Variants in ARHGAP11A observed in about 807,000 individuals in gnomAD.
ARHGAP11A encodes the protein rho GTPase-activating protein 11A.
Under a neutral mutation model 60.5 loss-of-function variants are expected in ARHGAP11A, and 36 were observed. That is an observed-to-expected ratio of 0.59 (90% CI 0.46 to 0.79). ARHGAP11A has a LOEUF of 0.79. Among genes scored for constraint, ARHGAP11A ranks in the 30% least tolerant of loss-of-function variants. ARHGAP11A has a pLI of 0.00. For synonymous variants in ARHGAP11A, 362 were observed against 415.5 expected, an observed-to-expected ratio of 0.87 and a Z score of 1.57; for missense variants, 1,071 against 1,199.2, an observed-to-expected ratio of 0.89 and a Z score of 1.58.
At chr15:32,620,040 C>G (rs1321550025) in intron 1 of ARHGAP11A, 68 bp from the exon 2 acceptor site, 3 of 1,543,100 alleles carry the variant, frequency 1.9e-6, no homozygotes, top group Non-Finnish European at 2.6e-6. Context: ...CTTTAATTTG[C>G]CTAAAGTTTA....
At position 32,635,791 on chromosome 15, in the gene ARHGAP11A, T is replaced by A. The variant is rs754756913; in HGVS notation, c.1359T>A (p.Gly453=). 1.2e-6 allele frequency: 2 copies of A among 1,606,066 alleles called. No individual in the cohort carries two copies. Among genetic ancestry groups the A allele is most frequent in the South Asian group, 2.2e-5 (2 of 89,362 alleles). The change falls in exon 11 of 12, where the codon GGT becomes GGA. Residue 453 remains glycine (G), a synonymous_variant. Transcript: ENST00000361627. ...TTTCTGTACAGAATGGATGTTCTGG[T>A]GTCAATAGATATGAAAGTGTTGGTT... The part of the protein sequence containing the change: ...KNGREVNGCS[G]VNRYESVGWR...
chr15:32,622,254 C>CA (rs1166936584), intron 2 of ARHGAP11A, among the ~76,000 whole-genome samples: 1 of 152,294 alleles, frequency 6.6e-6, no homozygotes, highest in East Asian at 1.9e-4. Flanking sequence ...CTTGTCTCTA[C>CA]AAAAAATAGA....
At chr15:32,621,180 ATTCTTTTT>A (rs1225261265) in intron 2 of ARHGAP11A, among the ~76,000 whole-genome samples, 4 of 95,052 alleles carry the variant, frequency 4.2e-5, no homozygotes, top group Non-Finnish European at 8.3e-5. Flanking sequence ...ATAACCTTTT[ATTCTTTTT>A]TTTTTTTTTT....
rs149121043 is a variant in ARHGAP11A, at chr15:32,623,527, A to G, written c.236A>G (p.His79Arg). 3.7e-6 allele frequency: 6 copies of G among 1,614,044 alleles called. No homozygotes were observed. The highest frequency in any genetic ancestry group is 2.7e-5 in the African/African-American group (2 of 74,932). The change falls in exon 3 of 12, where the codon CAT becomes CGT. Residue 79 changes from histidine to arginine, a missense_variant. Physicochemically the swap from His to Arg is conservative, Grantham distance 29 (BLOSUM62 0). This residue lies in a region of ARHGAP11A where 71 missense variants were observed against 142.4 expected (regional missense o/e 0.50). Coordinates refer to ENST00000361627, the MANE Select transcript of ARHGAP11A (RefSeq NM_014783.6). The stretch of plus-strand genomic sequence containing the variant: ...GATGCTTGCACATCTTTAGAAGACC[A>G]TATTCATACCGAAGGGCTTTTTCGG... ...LVDACTSLEDHIHTEGLFRKS... is the reference protein window; with the variant it reads ...LVDACTSLEDRIHTEGLFRKS...
At chr15:32,631,949 A>G (rs1184381641) in intron 8 of ARHGAP11A, among the ~76,000 whole-genome samples, 1 of 152,250 alleles carries the variant, frequency 6.6e-6, no homozygotes, top group Non-Finnish European at 1.5e-5. Context: ...TACTGGGATT[A>G]CAGACGTGAG....
At chr15:32,620,758 C>T (rs2053275274) in intron 2 of ARHGAP11A, among the ~76,000 whole-genome samples, 2 of 151,824 alleles carry the variant, frequency 1.3e-5, no homozygotes, top group Admixed American at 1.3e-4. Context: ...ATAATTTTGA[C>T]TTTTTTTTGT....
chr15:32,622,067 A>T (rs1036225301), intron 2 of ARHGAP11A, among the ~76,000 whole-genome samples: 10 of 152,296 alleles, frequency 6.6e-5, no homozygotes, highest in Admixed American at 5.9e-4. Flanking sequence ...CCGCTTAACC[A>T]TTTTGCTCTT....
chr15:32,616,797 T>G (rs1208937129), intron 1 of ARHGAP11A, among the ~76,000 whole-genome samples: 1 of 152,074 alleles, frequency 6.6e-6, no homozygotes, highest in African/African-American at 2.4e-5. Context: ...TGTTTTAGAG[T>G]AAGGTTGTAG....
intron 10 of ARHGAP11A, 95 bp downstream of exon 10, chr15:32,634,136 C>A: frequency 1.3e-6 from 1 of 765,336 alleles, no homozygotes; most frequent in Non-Finnish European, 2.1e-6. Flanking sequence ...CTTCCAGTGA[C>A]TGTCTCATTC....
chr15:32,633,030 T>A lies in ARHGAP11A; in HGVS notation c.1157T>A (p.Val386Glu). The change falls in exon 9 of 12, where the codon GTA becomes GAA. Residue 386 changes from valine to glutamate, a missense_variant. By Grantham distance (121) the Val-to-Glu change is moderately radical. Coordinates refer to ENST00000361627, the MANE Select transcript of ARHGAP11A (RefSeq NM_014783.6). The part of the protein sequence containing the change: ...EGSSQSSLSP[V>E]LIGGNHLITA... Reference sequence around the variant, plus strand: ...TCATCTCAGAGTTCACTCTCTCCTGTACTCATTGGTGGAAACCATTTGATC... The same window carrying A: ...TCATCTCAGAGTTCACTCTCTCCTGAACTCATTGGTGGAAACCATTTGATC... 6.2e-7 allele frequency: 1 copy of A among 1,614,068 alleles called. No individual in the cohort carries two copies. The highest frequency in any genetic ancestry group is 8.5e-7 in the Non-Finnish European group (1 of 1,179,920).
At chr15:32,631,497 A>C (rs886881585) in intron 8 of ARHGAP11A, among the ~76,000 whole-genome samples, 1 of 152,058 alleles carries the variant, frequency 6.6e-6, no homozygotes, top group South Asian at 2.1e-4. Flanking sequence ...ACGGGGTTTC[A>C]CCACGTTGGC....
At chr15:32,634,704 C>G (rs1045105012) in intron 10 of ARHGAP11A, among the ~76,000 whole-genome samples, 3 of 152,232 alleles carry the variant, frequency 2.0e-5, no homozygotes, top group Non-Finnish European at 4.4e-5. Flanking sequence ...CCAAACAACA[C>G]TTTTACCTGT....
rs1201126600 is a variant in ARHGAP11A, at chr15:32,638,521, A to T, written c.*676A>T. Reference sequence around the variant, plus strand: ...TTTCTAAAATAAATAAATTTCTAGCATATAAAGGGTAGAGATAAACTCTGC... The same window carrying T: ...TTTCTAAAATAAATAAATTTCTAGCTTATAAAGGGTAGAGATAAACTCTGC... On this transcript the variant is annotated 3_prime_UTR_variant, in exon 12 of 12. Transcript: ENST00000361627. 2.0e-5 allele frequency: 3 copies of T among 152,264 alleles called. No homozygotes were observed. The highest frequency in any genetic ancestry group is 6.5e-5 in the Admixed American group (1 of 15,280). 9.4% of individuals were successfully genotyped at this position (152,264 alleles called of 1,614,324 possible).
In ARHGAP11A at chr15:32,639,772, T is replaced by A. The variant is rs1042020804; in HGVS notation, c.*1927T>A. The A allele has an allele frequency of 1.3e-5, 2 of 152,192 alleles. No individual in the cohort carries two copies. 9.4% of individuals were successfully genotyped at this position (152,192 alleles called of 1,614,324 possible). Reference sequence around the variant, plus strand: ...AGGGTAACTAGAGAGCCAGAAAAGTTTTGTTTTAAACTTGATTTAATGCGT... The same window carrying A: ...AGGGTAACTAGAGAGCCAGAAAAGTATTGTTTTAAACTTGATTTAATGCGT... On this transcript the variant is annotated 3_prime_UTR_variant, in exon 12 of 12. Transcript: ENST00000361627.
At position 32,639,059 on chromosome 15, in the gene ARHGAP11A, C is replaced by A. The variant is rs1003375057; in HGVS notation, c.*1214C>A. 4 of 152,600 alleles carry A rather than the reference C, an allele frequency of 2.6e-5. No homozygotes were observed. The highest frequency in any genetic ancestry group is 5.9e-5 in the Non-Finnish European group (4 of 68,038). 9.5% of individuals were successfully genotyped at this position (152,600 alleles called of 1,614,324 possible). A position where few individuals can be genotyped will look rare whatever the true frequency, so the allele number is the denominator to read the frequency against. On this transcript the variant is annotated 3_prime_UTR_variant, in exon 12 of 12. Transcript: ENST00000361627. ...TCTGGAAAATGACTTGACTAAGGCT[C>A]TCATGAAATTCAAAGTGCCATTTAG...
chr15:32,637,000 A>G lies in ARHGAP11A; in HGVS notation c.2227A>G (p.Met743Val). Residue 743 changes from methionine to valine, a missense_variant, in exon 12 of 12, where the codon ATG becomes GTG. This residue lies in a region of ARHGAP11A where 776 missense variants were observed against 760.2 expected (regional missense o/e 1.02). Coordinates refer to ENST00000361627, the MANE Select transcript of ARHGAP11A (RefSeq NM_014783.6). The part of the protein sequence containing the change: ...LNNKLKENEN[M>V]MEGNLPKCAA... The stretch of plus-strand genomic sequence containing the variant: ...TAATAAATTAAAAGAGAATGAGAAT[A>G]TGATGGAAGGTAACTTACCGAAGTG... The G allele has an allele frequency of 6.2e-7, 1 of 1,611,720 alleles. No individual in the cohort carries two copies. The highest frequency in any genetic ancestry group is 8.5e-7 in the Non-Finnish European group (1 of 1,179,462).
At position 32,625,042 on chromosome 15, in the gene ARHGAP11A, C is replaced by T. The variant is rs201480374; in HGVS notation, c.552-38C>T. The stretch of plus-strand genomic sequence containing the variant: ...TTATTTTAACTCTTCTGTATTTTCA[C>T]GTTTGGCTCCATCTAATAAAGCGTT... On this transcript the variant is annotated intron_variant, in intron 4 of 11. Transcript: ENST00000361627. 252 of 1,605,906 alleles carry T rather than the reference C, an allele frequency of 1.6e-4. 2 individuals carry two copies. In the East Asian group the frequency reaches 4.8e-3, roughly 30 times the overall value.
At chr15:32,620,063 T>G in intron 1 of ARHGAP11A, 45 bp from the exon 2 acceptor site, 1 of 1,542,542 alleles carries the variant, frequency 6.5e-7, no homozygotes, top group South Asian at 1.2e-5. Context: ...AAAACTGATA[T>G]TATGCCTAAT....
Position 32,629,693 on chromosome 15 carries a change from A to T in ARHGAP11A, c.1036A>T (p.Ile346Phe), listed in dbSNP as rs1340653103. 4 of 1,613,502 alleles carry T rather than the reference A, an allele frequency of 2.5e-6. No individual in the cohort carries two copies. The highest frequency in any genetic ancestry group is 8.5e-7 in the Non-Finnish European group (1 of 1,179,772). ...HGFSSKKRKSIKHNFNFELLP... is the reference protein window; with the variant it reads ...HGFSSKKRKSFKHNFNFELLP... ...TTTCTCAAGTAAGAAAAGGAAGTCC[A>T]TCAAGCACAATTTTAACTTTGAGCT... The change falls in exon 8 of 12, where the codon ATC becomes TTC. Residue 346 changes from isoleucine to phenylalanine, a missense_variant. Ile to Phe is a conservative substitution (Grantham distance 21, BLOSUM62 0). Transcript: ENST00000361627.
Sources: gnomAD v4.1 joint callset for allele counts (sites outside exome capture counted in the v4.1 genomes callset) on GRCh38, gnomAD v4.1.1 for gene constraint, gnomAD v4.1.1 regional missense constraint, MANE v1.5 for transcripts, NCBI Gene and HGNC (gene_info 2026-07-23, HGNC 2026-07-21) for gene names.